Variants in SPAG1 observed in about 807,000 individuals in gnomAD.
SPAG1 encodes sperm-associated antigen 1.
In SPAG1, 69 loss-of-function variants were observed where a neutral mutation model predicts 100.5. That is an observed-to-expected ratio of 0.69 (90% CI 0.57 to 0.84). The LOEUF (loss-of-function observed/expected upper bound fraction) is 0.84. Ranked by LOEUF, SPAG1 falls within the 40% of genes least tolerant of loss-of-function variation. The pLI is 0.00. For synonymous variants in SPAG1, 336 were observed against 411.6 expected (o/e 0.82, Z 2.22); for missense variants, 955 against 1,133.1 (o/e 0.84, Z 2.26).
chr8:100,196,105 T>G (rs947838911), intron 10 of SPAG1, among the ~76,000 whole-genome samples: 4 of 152,204 alleles, frequency 2.6e-5, no homozygotes, highest in Non-Finnish European at 5.9e-5. Flanking sequence ...TGTACCAAAG[T>G]TTATACATTC....
At chr8:100,174,260 A>G (rs1234779766) in intron 3 of SPAG1, among the ~76,000 whole-genome samples, 1 of 152,254 alleles carries the variant, frequency 6.6e-6, no homozygotes, top group Non-Finnish European at 1.5e-5. Flanking sequence ...TATTCTTACA[A>G]TAAAGTAAGC....
intron 3 of SPAG1, among the ~76,000 whole-genome samples, chr8:100,174,017 A>C (rs1476275047): frequency 6.6e-6 from 1 of 152,222 alleles, no homozygotes. Context: ...TGAGGATGGC[A>C]TGGATCACAT....
At chr8:100,166,791 C>T (rs547158309) in intron 3 of SPAG1, among the ~76,000 whole-genome samples, 11 of 152,046 alleles carry the variant, frequency 7.2e-5, no homozygotes, top group Non-Finnish European at 1.2e-4. Context: ...TCTGTAATCC[C>T]AGCCATTCAG....
chr8:100,234,127 G>C (rs1818897285), intron 16 of SPAG1, among the ~76,000 whole-genome samples: 1 of 152,142 alleles, frequency 6.6e-6, no homozygotes, highest in African/African-American at 2.4e-5. Flanking sequence ...TGGAAATCCT[G>C]AGGAATGAAT....
chr8:100,214,206 G>T (rs10094505), intron 12 of SPAG1, among the ~76,000 whole-genome samples: 2 of 152,044 alleles, frequency 1.3e-5, no homozygotes, highest in Non-Finnish European at 2.9e-5. Context: ...AATCCACTGC[G>T]GCATCAGAAT....
intron 8 of SPAG1, among the ~76,000 whole-genome samples, chr8:100,188,700 T>C (rs1025693636): frequency 6.6e-6 from 1 of 152,230 alleles, no homozygotes; most frequent in Non-Finnish European, 1.5e-5. Flanking sequence ...AGACACATTA[T>C]ATTTCTTTAA....
In SPAG1 at chr8:100,233,467, A is replaced by G. The variant is rs770873264; in HGVS notation, c.2045A>G (p.Gln682Arg). The change falls in exon 16 of 19, where the codon CAG (glutamine) becomes CGG (arginine). Residue 682 changes from glutamine (Q) to arginine (R), a missense_variant. By Grantham distance (43) the Gln-to-Arg change is conservative. Coordinates refer to ENST00000388798, the MANE Select transcript of SPAG1 (RefSeq NM_003114.5). ...GAAGAAGCAAAGCAGGACTGTGATC[A>G]GGCACTTCAGCTAGCTGATGGGAAC... is the stretch of plus-strand genomic sequence containing the variant. ...QFEEAKQDCD[Q>R]ALQLADGNVK... 2.5e-6 allele frequency: 4 copies of G among 1,614,124 alleles called. No individual in the cohort carries two copies. The highest frequency in any genetic ancestry group is 2.2e-5 in the South Asian group (2 of 91,080).
chr8:100,199,510 A>T (rs1362684637), intron 10 of SPAG1, among the ~76,000 whole-genome samples: 1 of 152,064 alleles, frequency 6.6e-6, no homozygotes, highest in Non-Finnish European at 1.5e-5. Context: ...CAATGGCATG[A>T]TCTTGGCTCA....
intron 3 of SPAG1, among the ~76,000 whole-genome samples, chr8:100,170,023 C>A (rs925846130): frequency 7.3e-5 from 11 of 151,542 alleles, no homozygotes; most frequent in African/African-American, 2.7e-4. Flanking sequence ...AGTCTTCCAC[C>A]TTTGTTCTTT....
At chr8:100,225,894 G>A (rs373705920) in intron 14 of SPAG1, among the ~76,000 whole-genome samples, 2 of 151,348 alleles carry the variant, frequency 1.3e-5, no homozygotes, top group East Asian at 1.9e-4. Flanking sequence ...GTCCAGTGGC[G>A]CAATCACGGT....
intron 10 of SPAG1, among the ~76,000 whole-genome samples, chr8:100,199,056 A>G (rs1817153869): frequency 1.3e-5 from 2 of 152,164 alleles, no homozygotes; most frequent in Non-Finnish European, 2.9e-5. Context: ...CTTTTTGGCT[A>G]TTATGAATAA....
chr8:100,199,353 C>T (rs775699445), intron 10 of SPAG1, among the ~76,000 whole-genome samples: 25 of 152,152 alleles, frequency 1.6e-4, no homozygotes, highest in Non-Finnish European at 1.3e-4. Flanking sequence ...TTTGCATTTT[C>T]CTAAGAACTA....
At chr8:100,220,214 A>G (rs1818198487) in intron 12 of SPAG1, 65 bp from the exon 13 acceptor site, 1 of 1,360,714 alleles carries the variant, frequency 7.3e-7, no homozygotes, top group African/African-American at 1.5e-5. Context: ...GTATCTATTC[A>G]GTGAAGTATA....
At chr8:100,232,760 C>G (rs566982212) in intron 15 of SPAG1, among the ~76,000 whole-genome samples, 2 of 152,320 alleles carry the variant, frequency 1.3e-5, no homozygotes, top group African/African-American at 4.8e-5. Context: ...TATTAAAAAC[C>G]CTTCATCGGA....
Position 100,180,684 on chromosome 8 carries a change from A to G in SPAG1, c.427-2691A>G, listed in dbSNP as rs1470102177. Among the ~76,000 whole-genome samples the G allele has an allele frequency of 2.6e-5, 4 of 152,214 alleles. No individual in the cohort carries two copies. In the East Asian group the frequency reaches 7.7e-4, roughly 29 times the overall value. ...ACTTTCCTTGTAAGGGTTAAAGCAG[A>G]AATTTGGCTATTATCTCTGTCTCTT... On this transcript the variant is annotated intron_variant, in intron 4 of 18. Transcript: ENST00000388798.
intron 3 of SPAG1, among the ~76,000 whole-genome samples, chr8:100,172,113 T>C (rs141000001): frequency 1.5e-3 from 223 of 152,278 alleles, no homozygotes; most frequent in African/African-American, 5.1e-3. Flanking sequence ...AAGAGTTCTG[T>C]ACTGTATATT....
chr8:100,216,560 C>T (rs1045147931), intron 12 of SPAG1, among the ~76,000 whole-genome samples: 4 of 152,068 alleles, frequency 2.6e-5, no homozygotes, highest in Admixed American at 1.3e-4. Flanking sequence ...GGGAAGTGGG[C>T]GTCGGTTTAG....
rs1443120921 is a variant in SPAG1 at position 100,213,088 on chromosome 8, AGAGCCCGCG to A, written c.1101_1109del (p.Glu369_Ala371del). 1.4e-6 allele frequency: 2 copies of A among 1,463,740 alleles called. No individual in the cohort carries two copies. Among genetic ancestry groups the A allele is most frequent in the African/African-American group, 3.0e-5 (2 of 67,338 alleles). 90.7% of individuals were successfully genotyped at this position (1,463,740 alleles called of 1,614,324 possible). On this transcript the variant is annotated splice_acceptor_variant and coding_sequence_variant, in exon 11 of 19. Transcript: ENST00000388798. LOFTEE classifies it high-confidence loss of function. ...TCACTTCCCGCATCCACTTCCTCAC[AGAGCCCGCG>A]GAGCCGGCGGGAGCCGCGCGCGCCG...
chr8:100,162,370 TG>T lies in SPAG1; in HGVS notation c.91del (p.Glu31LysfsTer45). The T allele has an allele frequency of 6.3e-7, 1 of 1,597,738 alleles. No individual in the cohort carries two copies. The highest frequency in any genetic ancestry group is 8.5e-7 in the Non-Finnish European group (1 of 1,174,332). On this transcript the variant is annotated frameshift_variant, in exon 2 of 19. Transcript: ENST00000388798. LOFTEE classifies it high-confidence loss of function. ...TTGAACATCTAGATTTCAAATACATTGAAAAATGTTCAGATGTTAAACATCT... is the reference window on the plus strand; with the variant it reads ...TTGAACATCTAGATTTCAAATACATTAAAAATGTTCAGATGTTAAACATCT... ...PIEHLDFKYI[E>X]KCSDVKHLEK...
Sources: gnomAD v4.1 joint callset for allele counts (sites outside exome capture counted in the v4.1 genomes callset) on GRCh38, gnomAD v4.1.1 for gene constraint, MANE v1.5 for transcripts, NCBI Gene and HGNC (gene_info 2026-07-23, HGNC 2026-07-21) for gene names.